Variants in SLC35F3 observed in about 807,000 individuals in gnomAD.
SLC35F3 encodes putative thiamine transporter SLC35F3.
A neutral mutation model predicts 49.9 loss-of-function variants in SLC35F3; 25 were observed. The ratio of observed to expected loss-of-function variants is 0.50; its 90% CI spans 0.37 to 0.70. The LOEUF is 0.70. SLC35F3 is among the 30% of genes least tolerant of loss of function. The pLI, the probability that SLC35F3 is intolerant of heterozygous loss-of-function variation, is 0.00. For missense variants in SLC35F3, 525 were observed against 639.8 expected (o/e 0.82, Z 1.94); for synonymous variants, 275 against 265.4 (o/e 1.04, Z -0.35).
chr1:234,005,392 T>G (rs1023385279), intron 2 of SLC35F3, among the ~76,000 whole-genome samples: 3 of 152,206 alleles, frequency 2.0e-5, no homozygotes, highest in Non-Finnish European at 4.4e-5. Context: ...ACAACCTGAC[T>G]TTCCTTATTT....
intron 2 of SLC35F3, among the ~76,000 whole-genome samples, chr1:234,117,455 G>T (rs1160746996): frequency 1.3e-5 from 2 of 152,064 alleles, no homozygotes; most frequent in East Asian, 1.9e-4. Flanking sequence ...AGCTGGGTAT[G>T]GTGGCACACC....
intron 2 of SLC35F3, among the ~76,000 whole-genome samples, chr1:233,919,106 T>C (rs768491983): frequency 1.3e-5 from 2 of 152,146 alleles, no homozygotes; most frequent in African/African-American, 2.4e-5. Flanking sequence ...AAATAAAAAA[T>C]GTCATTGCTT....
chr1:234,057,101 C>T (rs1292207995), intron 2 of SLC35F3, among the ~76,000 whole-genome samples: 1 of 152,036 alleles, frequency 6.6e-6, no homozygotes, highest in Non-Finnish European at 1.5e-5. Flanking sequence ...GTGACTCCTT[C>T]TATTTTGCTT....
intron 2 of SLC35F3, among the ~76,000 whole-genome samples, chr1:234,179,384 C>T (rs1340379920): frequency 6.6e-6 from 1 of 152,114 alleles, no homozygotes; most frequent in Non-Finnish European, 1.5e-5. Context: ...TCAAAAATTC[C>T]TTCACTAATA....
At chr1:233,952,472 C>T (rs1662624040) in intron 2 of SLC35F3, among the ~76,000 whole-genome samples, 1 of 152,108 alleles carries the variant, frequency 6.6e-6, no homozygotes, top group South Asian at 2.1e-4. Flanking sequence ...TTTATTTCTC[C>T]CCATCCATTG....
intron 3 of SLC35F3, among the ~76,000 whole-genome samples, chr1:234,244,796 A>C (rs1271094655): frequency 1.3e-5 from 2 of 152,200 alleles, no homozygotes; most frequent in African/African-American, 4.8e-5. Context: ...CTGGAAGAGA[A>C]GAATTTAGAG....
intron 3 of SLC35F3, among the ~76,000 whole-genome samples, chr1:234,295,717 C>T (rs75727192): frequency 0.037 from 5,604 of 152,280 alleles, 177 homozygotes; most frequent in African/African-American, 0.089. Flanking sequence ...GCTAAATATA[C>T]TCCTTTCTAC....
At chr1:234,090,941 T>C (rs1233417922) in intron 2 of SLC35F3, among the ~76,000 whole-genome samples, 1 of 152,192 alleles carries the variant, frequency 6.6e-6, no homozygotes, top group Non-Finnish European at 1.5e-5. Context: ...AGCCCTCCGT[T>C]TCAACACGGG....
intron 2 of SLC35F3, among the ~76,000 whole-genome samples, chr1:234,110,075 C>T (rs1665383112): frequency 6.6e-6 from 1 of 151,386 alleles, no homozygotes; most frequent in Non-Finnish European, 1.5e-5. Context: ...TAAGATGGGC[C>T]CAGAAGCGCA....
At chr1:234,058,184 G>A (rs919724275) in intron 2 of SLC35F3, among the ~76,000 whole-genome samples, 2 of 150,968 alleles carry the variant, frequency 1.3e-5, no homozygotes, top group African/African-American at 4.9e-5. Context: ...TTTTTGGTTT[G>A]CTTTGGGTTT....
chr1:234,267,949 G>A (rs1255623855), intron 3 of SLC35F3, among the ~76,000 whole-genome samples: 2 of 148,628 alleles, frequency 1.3e-5, no homozygotes, highest in Non-Finnish European at 3.0e-5. Flanking sequence ...CAGCCGGGCA[G>A]AGACGCTCCT....
At chr1:234,117,590 T>TAA (rs34058556) in intron 2 of SLC35F3, among the ~76,000 whole-genome samples, 18,680 of 135,766 alleles carry the variant, frequency 0.14, 2,629 homozygotes, top group East Asian at 0.8. Flanking sequence ...AGACCCTGTC[T>TAA]AAAAAAAAAA....
chr1:234,026,165 T>C (rs1008639052), intron 2 of SLC35F3, among the ~76,000 whole-genome samples: 1 of 152,184 alleles, frequency 6.6e-6, no homozygotes, highest in South Asian at 2.1e-4. Context: ...GTGTCTATTT[T>C]TGTACCAGTA....
chr1:234,308,995 TG>T lies in SLC35F3; in HGVS notation c.609-105del, dbSNP rs529348117. The T allele has an allele frequency of 2.0e-4, 149 of 754,146 alleles. No homozygotes were observed. In the East Asian group the frequency reaches 3.3e-3, roughly 17 times the overall value. The allele number at this position is 754,146 out of a possible 1,614,324, so 46.7% of individuals were successfully genotyped here. On this transcript the variant is annotated intron_variant, in intron 3 of 7. Transcript: ENST00000366618. ...TTAAAAATAATAAATTTTAAAACCC[TG>T]CCCCTTCCTATATTTGCTTAAAAAA...
At chr1:233,993,187 G>A (rs1257556047) in intron 2 of SLC35F3, among the ~76,000 whole-genome samples, 3 of 152,024 alleles carry the variant, frequency 2.0e-5, no homozygotes, top group Non-Finnish European at 4.4e-5. Flanking sequence ...GGCTGGTCTC[G>A]AACTCCTGAC....
intron 2 of SLC35F3, among the ~76,000 whole-genome samples, chr1:234,199,381 A>G (rs1666868593): frequency 6.6e-6 from 1 of 152,238 alleles, no homozygotes; most frequent in African/African-American, 2.4e-5. Context: ...AGAAGACACA[A>G]TGGGGAAAGA....
chr1:233,926,841 A>T (rs1662168162), intron 2 of SLC35F3, among the ~76,000 whole-genome samples: 1 of 151,878 alleles, frequency 6.6e-6, no homozygotes, highest in African/African-American at 2.4e-5. Flanking sequence ...TTTTTTGTTG[A>T]TGTTGATGCT....
Position 233,975,812 on chromosome 1 carries a change from G to A in SLC35F3, c.283+70054G>A, listed in dbSNP as rs1206220532. Among the ~76,000 whole-genome samples, 4 of 152,206 alleles carry A rather than the reference G, an allele frequency of 2.6e-5. No individual in the cohort carries two copies. In the South Asian group the frequency reaches 8.3e-4, roughly 32 times the overall value. On this transcript the variant is annotated intron_variant, in intron 2 of 7. Coordinates refer to ENST00000366618, the MANE Select transcript of SLC35F3 (RefSeq NM_173508.4). The stretch of plus-strand genomic sequence containing the variant: ...GCAGCTCGGAGGTGCAGGTTGCCAG[G>A]GCAGGGGTGGAACTGGACAGCCCTT...
chr1:234,127,397 C>A (rs1665665289), intron 2 of SLC35F3, among the ~76,000 whole-genome samples: 1 of 152,046 alleles, frequency 6.6e-6, no homozygotes. Flanking sequence ...AGACATGTAC[C>A]CCCTCCCTTC....
Sources: gnomAD v4.1 joint callset for allele counts (sites outside exome capture counted in the v4.1 genomes callset) on GRCh38, gnomAD v4.1.1 for gene constraint, MANE v1.5 for transcripts, NCBI Gene and HGNC (gene_info 2026-07-23, HGNC 2026-07-21) for gene names.